The following XYLB variants were observed in gnomAD, a reference collection of about 807,000 sequenced individuals.
XYLB encodes the protein xylulose kinase.
XYLB carries 62 observed loss-of-function variants against 78.7 expected under a neutral mutation model. That is an observed-to-expected ratio of 0.79 (90% CI 0.64 to 0.97). XYLB has a LOEUF of 0.97. Ranked by LOEUF, XYLB falls within the 50% of genes least tolerant of loss-of-function variation. The pLI is 0.00. For synonymous variants in XYLB, 245 were observed against 247.4 expected (o/e 0.99, Z 0.09); for missense variants, 687 against 676.8 (o/e 1.02, Z -0.17).
chr3:38,367,113 G>T (rs947929948), intron 7 of XYLB, among the ~76,000 whole-genome samples: 2 of 152,216 alleles, frequency 1.3e-5, no homozygotes, highest in Non-Finnish European at 2.9e-5. Flanking sequence ...GAGGGTCCAG[G>T]TGGGAGCACT....
chr3:38,382,015 G>A (rs570698742), intron 15 of XYLB, among the ~76,000 whole-genome samples: 3 of 152,120 alleles, frequency 2.0e-5, no homozygotes, highest in South Asian at 2.1e-4. Flanking sequence ...GGGGCATCAC[G>A]GATCCTACCA....
intron 18 of XYLB, among the ~76,000 whole-genome samples, chr3:38,406,052 C>A (rs1173883571): frequency 3.3e-5 from 5 of 152,248 alleles, no homozygotes; most frequent in African/African-American, 1.2e-4. Context: ...CAGCACACCT[C>A]TGGAGATCTG....
intron 1 of XYLB, among the ~76,000 whole-genome samples, chr3:38,348,040 G>A (rs2588455): frequency 0.78 from 118,443 of 152,204 alleles, 49,296 homozygotes; most frequent in South Asian, 0.93. Flanking sequence ...CATCTGTCCA[G>A]GAAAGGAGTT....
chr3:38,429,548 CCT>C, the XYLB span, among the ~76,000 whole-genome samples: 1 of 151,986 alleles, frequency 6.6e-6, no homozygotes, highest in Non-Finnish European at 1.5e-5. Context: ...TCTCCTGAGG[CCT>C]CTCTCTTTTT....
chr3:38,368,182 C>T lies in XYLB; in HGVS notation c.574-3C>T. The T allele has an allele frequency of 1.2e-6, 2 of 1,613,888 alleles. No homozygotes were observed. The highest frequency in any genetic ancestry group is 8.5e-7 in the Non-Finnish European group (1 of 1,179,820). ...CACCTCTCACTGTTTCTTTCCTTTA[C>T]AGAGAATTTCTTTGGTCAGTAGCTT... On this transcript the variant is annotated splice_polypyrimidine_tract_variant and splice_region_variant and intron_variant, in intron 7 of 18. Coordinates refer to ENST00000207870, the MANE Select transcript of XYLB (RefSeq NM_005108.4).
chr3:38,400,033 C>A (rs896622010), intron 17 of XYLB, among the ~76,000 whole-genome samples: 1 of 152,160 alleles, frequency 6.6e-6, no homozygotes, highest in Non-Finnish European at 1.5e-5. Flanking sequence ...GAAAACTGGT[C>A]CTCACATCTT....
chr3:38,369,469 G>T (rs1259239581), intron 8 of XYLB, among the ~76,000 whole-genome samples: 1 of 152,070 alleles, frequency 6.6e-6, no homozygotes, highest in African/African-American at 2.4e-5. Context: ...ATTTCACCTG[G>T]GCAGGTGACA....
intron 18 of XYLB, among the ~76,000 whole-genome samples, chr3:38,406,809 G>A (rs1708342124): frequency 6.6e-6 from 1 of 152,206 alleles, no homozygotes; most frequent in African/African-American, 2.4e-5. Context: ...TGAATGAAAT[G>A]AAGTGAGAAG....
rs547821301 is a variant in XYLB, at chr3:38,373,880, G to A, written c.848-582G>A. Among the ~76,000 whole-genome samples the A allele has an allele frequency of 4.6e-5, 7 of 152,280 alleles. No individual in the cohort carries two copies. In the South Asian group the frequency reaches 1.2e-3, roughly 27 times the overall value. ...TAAAGATTGCTGTTGTGAGCCATGT[G>A]TGGTAGTGTGCACCTGTAGTCTTAG... is the stretch of plus-strand genomic sequence containing the variant. On this transcript the variant is annotated intron_variant, in intron 10 of 18. Coordinates refer to ENST00000207870, the MANE Select transcript of XYLB (RefSeq NM_005108.4).
the XYLB span, among the ~76,000 whole-genome samples, chr3:38,433,452 G>T: frequency 6.6e-6 from 1 of 152,150 alleles, no homozygotes; most frequent in African/African-American, 2.4e-5. Flanking sequence ...TCAGAAAATT[G>T]GTTTTTCTTT....
At position 38,412,974 on chromosome 3, in the gene XYLB, G is replaced by C. The variant is rs1437123109; in HGVS notation, c.1572G>C (p.Glu524Asp). ...EALLPQYAKL[E>D]QRILSQTRGP... ...TTCTCCCCCAGTATGCCAAACTCGA[G>C]CAGAGAATCTTGTCTCAGACCCGGG... Residue 524 changes from glutamate to aspartate, a missense_variant, in exon 19 of 19, where the codon GAG (glutamate) becomes GAC (aspartate). Glu to Asp is a conservative substitution (Grantham distance 45). Coordinates refer to ENST00000207870, the MANE Select transcript of XYLB (RefSeq NM_005108.4). The C allele has an allele frequency of 6.2e-7, 1 of 1,604,538 alleles. No individual in the cohort carries two copies. Among genetic ancestry groups the C allele is most frequent in the Admixed American group, 1.7e-5 (1 of 58,134 alleles).
At chr3:38,349,854 C>T (rs949391013) in intron 2 of XYLB, among the ~76,000 whole-genome samples, 6 of 152,124 alleles carry the variant, frequency 3.9e-5, no homozygotes, top group African/African-American at 1.4e-4. Context: ...TGCAGGAGTG[C>T]TTGGTGTCTC....
chr3:38,429,294 C>T, the XYLB span, among the ~76,000 whole-genome samples: 1 of 152,176 alleles, frequency 6.6e-6, no homozygotes, highest in Non-Finnish European at 1.5e-5. Flanking sequence ...CCTTAATAAA[C>T]ATCCTTCACA....
intron 2 of XYLB, among the ~76,000 whole-genome samples, chr3:38,358,386 C>T (rs1362512046): frequency 7.9e-6 from 1 of 126,176 alleles, no homozygotes; most frequent in Non-Finnish European, 1.6e-5. Context: ...TCTGTTGCAC[C>T]CAGGCTGGAG....
downstream of XYLB, among the ~76,000 whole-genome samples, chr3:38,416,295 G>A (rs1274864798): frequency 6.6e-6 from 1 of 151,564 alleles, no homozygotes; most frequent in East Asian, 2.0e-4. Context: ...CCAAGTATAT[G>A]AAGTGTAAGT....
At chr3:38,430,279 T>C in the XYLB span, among the ~76,000 whole-genome samples, 1 of 152,206 alleles carries the variant, frequency 6.6e-6, no homozygotes, top group African/African-American at 2.4e-5. Flanking sequence ...CTCACTGTGG[T>C]TTGATTTGCA....
At chr3:38,411,650 A>G (rs1162463346) in intron 18 of XYLB, among the ~76,000 whole-genome samples, 1 of 151,864 alleles carries the variant, frequency 6.6e-6, no homozygotes, top group African/African-American at 2.4e-5. Flanking sequence ...AAGGATTTAA[A>G]AAAAAAAAAA....
At chr3:38,431,191 G>A in the XYLB span, among the ~76,000 whole-genome samples, 32 of 152,274 alleles carry the variant, frequency 2.1e-4, no homozygotes, top group Admixed American at 9.1e-4. Flanking sequence ...CACGAGCATG[G>A]AATGTTCTTC....
chr3:38,376,017 C>T, intron 12 of XYLB, 100 bp from the exon 13 acceptor site: 1 of 815,712 alleles, frequency 1.2e-6, no homozygotes, highest in Admixed American at 1.7e-5. Flanking sequence ...CGTGGTCCAG[C>T]CTGACCTGCA....
Sources: gnomAD v4.1 joint callset for allele counts (sites outside exome capture counted in the v4.1 genomes callset) on GRCh38, gnomAD v4.1.1 for gene constraint, MANE v1.5 for transcripts, NCBI Gene and HGNC (gene_info 2026-07-23, HGNC 2026-07-21) for gene names.